Variants in PTPRO observed in about 807,000 individuals in gnomAD.
PTPRO encodes receptor-type tyrosine-protein phosphatase O.
In PTPRO, 62 loss-of-function variants were observed where a neutral mutation model predicts 145.2. That is an observed-to-expected ratio of 0.43 (90% CI 0.35 to 0.53). The LOEUF (loss-of-function observed/expected upper bound fraction) is 0.53. PTPRO is among the 20% of genes least tolerant of loss of function. The pLI, the probability that PTPRO is intolerant of heterozygous loss-of-function variation, is 0.01. For synonymous variants in PTPRO, 565 were observed against 514.7 expected (o/e 1.10, Z -1.32); for missense variants, 1,345 against 1,482.7 (o/e 0.91, Z 1.53).
Position 15,448,339 on chromosome 12 carries a change from TA to T in PTPRO, c.76-35614del, listed in dbSNP as rs56136736. On this transcript the variant is annotated intron_variant, in intron 1 of 26. Coordinates refer to ENST00000281171, the MANE Select transcript of PTPRO (RefSeq NM_030667.3). ...CTCTATTCTATCTTCCTGTTCCTAG[TA>T]AAAAAAAAAAAAAAAAAAAAGCACC... is the stretch of plus-strand genomic sequence containing the variant. 9.0e-3 allele frequency among the ~76,000 whole-genome samples: 406 copies of T among 45,028 alleles called. 10 individuals are homozygous for T. Among genetic ancestry groups the T allele is most frequent in the African/African-American group, 0.026 (392 of 15,288 alleles). 29.5% of individuals were successfully genotyped at this position (45,028 alleles called of 152,430 possible).
chr12:15,478,765 A>C (rs1339029033), intron 1 of PTPRO, among the ~76,000 whole-genome samples: 1 of 151,700 alleles, frequency 6.6e-6, no homozygotes, highest in African/African-American at 2.4e-5. Flanking sequence ...TCCACCTCCC[A>C]GGTTCACCCC....
intron 7 of PTPRO, among the ~76,000 whole-genome samples, chr12:15,509,996 G>A (rs1336770319): frequency 1.3e-5 from 2 of 152,156 alleles, no homozygotes; most frequent in African/African-American, 2.4e-5. Flanking sequence ...GTCAAATGTG[G>A]TGGTTCTTGG....
chr12:15,449,221 G>T (rs116817576), intron 1 of PTPRO, among the ~76,000 whole-genome samples: 25,366 of 152,122 alleles, frequency 0.17, 2,376 homozygotes, highest in East Asian at 0.33. Context: ...TGAACAGTTT[G>T]AACACTTAGC....
intron 1 of PTPRO, among the ~76,000 whole-genome samples, chr12:15,412,980 A>G (rs1939841120): frequency 6.6e-6 from 1 of 151,970 alleles, no homozygotes; most frequent in South Asian, 2.1e-4. Context: ...TTTAGTAGAG[A>G]TGGGGTTTCC....
In PTPRO at chr12:15,484,009, T is replaced by C. The variant is rs1941834281; in HGVS notation, c.111T>C (p.Asp37=). Residue 37 remains aspartate (D), a synonymous_variant, in exon 2 of 27, where the codon GAT becomes GAC. Transcript: ENST00000281171. ...ATAFHVTVQD[D]NNIVVSLEAS... is the part of the protein sequence containing the mutation. The stretch of plus-strand genomic sequence containing the variant: ...CTTTCCATGTAACTGTCCAAGATGA[T>C]AATAACATCGTTGTCTCATTAGAAG... The C allele has an allele frequency of 1.9e-6, 3 of 1,612,994 alleles. No homozygotes were observed. Among genetic ancestry groups the C allele is most frequent in the East Asian group, 2.2e-5 (1 of 44,884 alleles).
At chr12:15,494,817 T>C (rs531258985) in intron 2 of PTPRO, among the ~76,000 whole-genome samples, 4 of 152,330 alleles carry the variant, frequency 2.6e-5, no homozygotes, top group South Asian at 4.1e-4. Context: ...TTCTAACTTC[T>C]CTTTTCAGTA....
At chr12:15,536,307 GAGTA>G (rs1943064243) in intron 12 of PTPRO, among the ~76,000 whole-genome samples, 1 of 152,152 alleles carries the variant, frequency 6.6e-6, no homozygotes, top group African/African-American at 2.4e-5. Flanking sequence ...GTGAGGAGTA[GAGTA>G]AGTGTCACTG....
At chr12:15,413,711 A>G (rs907110991) in intron 1 of PTPRO, among the ~76,000 whole-genome samples, 3 of 152,096 alleles carry the variant, frequency 2.0e-5, no homozygotes, top group African/African-American at 4.8e-5. Context: ...GCTACTTGGG[A>G]GACTGAGGCA....
intron 1 of PTPRO, among the ~76,000 whole-genome samples, chr12:15,418,426 T>C (rs1940043766): frequency 6.6e-6 from 1 of 151,820 alleles, no homozygotes; most frequent in Admixed American, 6.5e-5. Context: ...TGTTTACCTG[T>C]TGTTGTAGTT....
intron 1 of PTPRO, among the ~76,000 whole-genome samples, chr12:15,348,035 T>A (rs1937649382): frequency 1.3e-5 from 2 of 152,178 alleles, no homozygotes; most frequent in Admixed American, 1.3e-4. Flanking sequence ...GGAAAAATAA[T>A]GCATCCCAAA....
chr12:15,589,616 T>TC, intron 25 of PTPRO, 26 bp downstream of exon 25: 1 of 1,613,448 alleles, frequency 6.2e-7, no homozygotes, highest in South Asian at 1.1e-5. Context: ...ATATGTATTT[T>TC]TAAATTTTCC....
At chr12:15,423,515 A>C (rs1940203054) in intron 1 of PTPRO, among the ~76,000 whole-genome samples, 1 of 152,148 alleles carries the variant, frequency 6.6e-6, no homozygotes, top group Non-Finnish European at 1.5e-5. Flanking sequence ...AAAGCTAGAA[A>C]GTTCTATGCA....
intron 1 of PTPRO, chr12:15,440,036 A>C: frequency 1.5e-6 from 1 of 657,478 alleles, no homozygotes; most frequent in East Asian, 2.8e-5. Flanking sequence ...CTACAGGGGT[A>C]ACAAGATCTG....
chr12:15,419,461 A>G (rs1940072659), intron 1 of PTPRO, among the ~76,000 whole-genome samples: 2 of 151,620 alleles, frequency 1.3e-5, no homozygotes, highest in Non-Finnish European at 2.9e-5. Context: ...TTCATTACGC[A>G]TAAGAAGTAT....
chr12:15,497,492 G>T, intron 3 of PTPRO, 89 bp downstream of exon 3: 1 of 1,372,946 alleles, frequency 7.3e-7, no homozygotes, highest in Non-Finnish European at 1.0e-6. Flanking sequence ...CTGCAAAGAG[G>T]TTTTATAATT....
chr12:15,578,869 G>T lies in PTPRO; in HGVS notation c.2846G>T (p.Gly949Val), dbSNP rs1209771734. ...SLQFEELKLIGLDIPHFAADL... is the reference protein window; with the variant it reads ...SLQFEELKLIVLDIPHFAADL... ...CCTTTACAGGAGTTGAAATTGATTG[G>T]ACTGGATATCCCACACTTTGCTGCA... The change falls in exon 20 of 27, where the codon GGA (glycine) becomes GTA (valine). Residue 949 changes from glycine (G) to valine (V), a missense_variant. Physicochemically the swap from Gly to Val is moderately radical, Grantham distance 109 (BLOSUM62 -3). Around this residue, in one of 3 missense-constraint regions of PTPRO, gnomAD observed 1,130 missense variants for 1,214.7 expected, o/e 0.93. Transcript: ENST00000281171. 1 of 1,600,300 alleles carries T rather than the reference G, an allele frequency of 6.2e-7. No individual in the cohort carries two copies. The highest frequency in any genetic ancestry group is 8.6e-7 in the Non-Finnish European group (1 of 1,167,560).
At chr12:15,492,219 G>T (rs114154641) in intron 2 of PTPRO, among the ~76,000 whole-genome samples, 140 of 152,218 alleles carry the variant, frequency 9.2e-4, no homozygotes, top group African/African-American at 3.1e-3. Flanking sequence ...AGATGAAAAA[G>T]CATCAAATGA....
At chr12:15,592,885 G>T (rs2135678355) in intron 25 of PTPRO, among the ~76,000 whole-genome samples, 1 of 152,316 alleles carries the variant, frequency 6.6e-6, no homozygotes, top group East Asian at 1.9e-4. Flanking sequence ...CTGGAGGTCA[G>T]TTGGGGCTTT....
At chr12:15,496,137 T>TTTTTG (rs1565664171) in intron 2 of PTPRO, among the ~76,000 whole-genome samples, 2 of 100,090 alleles carry the variant, frequency 2.0e-5, no homozygotes, top group African/African-American at 7.4e-5. Flanking sequence ...TTCTTTTCTT[T>TTTTTG]TTTTGTTTTT....
Sources: gnomAD v4.1 joint callset for allele counts (sites outside exome capture counted in the v4.1 genomes callset) on GRCh38, gnomAD v4.1.1 for gene constraint, gnomAD v4.1.1 regional missense constraint, MANE v1.5 for transcripts, NCBI Gene and HGNC (gene_info 2026-07-23, HGNC 2026-07-21) for gene names.